The following EPHA6 variants were observed in gnomAD, a reference collection of about 807,000 sequenced individuals.
EPHA6 encodes the protein EPH receptor A6, also known as ephrin type-A receptor 6.
In EPHA6, 50 loss-of-function variants were observed where a neutral mutation model predicts 112.0. That is an observed-to-expected ratio of 0.45 (90% CI 0.36 to 0.56). The LOEUF (loss-of-function observed/expected upper bound fraction) is 0.56, where lower values mean the gene tolerates loss of function less well. Ranked by LOEUF, EPHA6 falls within the 20% of genes least tolerant of loss-of-function variation. The pLI is 0.00. For synonymous variants in EPHA6, 529 were observed against 490.7 expected (o/e 1.08, Z -1.03); for missense variants, 1,280 against 1,417.4 (o/e 0.90, Z 1.56).
At chr3:96,947,195 T>C (rs1320758306) in intron 2 of EPHA6, among the ~76,000 whole-genome samples, 2 of 152,184 alleles carry the variant, frequency 1.3e-5, no homozygotes, top group Non-Finnish European at 2.9e-5. Flanking sequence ...TTAGATCCCA[T>C]TTGTCAGTTT....
At chr3:97,662,042 A>G (rs2094173172) in intron 14 of EPHA6, among the ~76,000 whole-genome samples, 1 of 152,152 alleles carries the variant, frequency 6.6e-6, no homozygotes, top group African/African-American at 2.4e-5. Flanking sequence ...CAACTATCTG[A>G]TAGGGCTTCC....
chr3:96,903,658 T>C (rs2038747292), intron 2 of EPHA6, among the ~76,000 whole-genome samples: 1 of 152,030 alleles, frequency 6.6e-6, no homozygotes, highest in Non-Finnish European at 1.5e-5. Flanking sequence ...GAAATAGTTT[T>C]GCAATCTAGG....
Position 97,068,315 on chromosome 3 carries a change from G to A in EPHA6, c.1114+80322G>A, listed in dbSNP as rs551244323. Among the ~76,000 whole-genome samples the A allele has an allele frequency of 3.3e-5, 5 of 152,096 alleles. No homozygotes were observed. The South Asian group carries it at 8.3e-4, about 25-fold the overall frequency. On this transcript the variant is annotated intron_variant, in intron 3 of 17. Transcript: ENST00000389672. ...GTGGAAAATTCTAAAAGTAAACGAC[G>A]GAACAAGGATCAGGGAGGGTTGGGA...
intron 10 of EPHA6, among the ~76,000 whole-genome samples, chr3:97,501,320 A>G (rs888288343): frequency 5.3e-5 from 8 of 151,428 alleles, no homozygotes; most frequent in African/African-American, 1.5e-4. Flanking sequence ...TAAAAATTCT[A>G]TCTTATGAAT....
At chr3:97,729,184 A>G (rs932690752) in intron 15 of EPHA6, among the ~76,000 whole-genome samples, 2 of 152,050 alleles carry the variant, frequency 1.3e-5, no homozygotes, top group Non-Finnish European at 2.9e-5. Flanking sequence ...CCTTTTTTCT[A>G]TAATTCTTTT....
At chr3:97,341,638 G>A (rs1342130179) in intron 5 of EPHA6, among the ~76,000 whole-genome samples, 1 of 151,940 alleles carries the variant, frequency 6.6e-6, no homozygotes, top group African/African-American at 2.4e-5. Flanking sequence ...CTCCTTCACT[G>A]CCAATTTTAA....
At chr3:97,068,769 G>T (rs2046260610) in intron 3 of EPHA6, among the ~76,000 whole-genome samples, 1 of 151,996 alleles carries the variant, frequency 6.6e-6, no homozygotes. Context: ...CAGAACTAGT[G>T]TCCTTATAAA....
intron 3 of EPHA6, among the ~76,000 whole-genome samples, chr3:97,201,155 C>A (rs1203970505): frequency 6.6e-6 from 1 of 152,092 alleles, no homozygotes; most frequent in Non-Finnish European, 1.5e-5. Context: ...CTATGTCCAG[C>A]ATATCAAAAT....
In EPHA6 at chr3:97,381,363, T is replaced by C. The variant is rs1430981423; in HGVS notation, c.1607-23787T>C. 2.6e-5 allele frequency among the ~76,000 whole-genome samples: 4 copies of C among 152,226 alleles called. No individual in the cohort carries two copies. In the East Asian group the frequency reaches 7.7e-4, roughly 29 times the overall value. ...TTCACTGAAGTCACTAAATTGCCTT[T>C]AAAAACCCTGTGACATAGACACTAT... On this transcript the variant is annotated intron_variant, in intron 5 of 17. Transcript: ENST00000389672.
At chr3:97,511,509 A>T (rs2092364490) in intron 10 of EPHA6, among the ~76,000 whole-genome samples, 1 of 151,920 alleles carries the variant, frequency 6.6e-6, no homozygotes, top group Non-Finnish European at 1.5e-5. Flanking sequence ...CATGGGCTGT[A>T]CCCACTGTCT....
chr3:97,059,487 A>G (rs1055105673), intron 3 of EPHA6, among the ~76,000 whole-genome samples: 3 of 152,074 alleles, frequency 2.0e-5, no homozygotes, highest in Non-Finnish European at 4.4e-5. Flanking sequence ...TAGAATGAAT[A>G]AATTATTTCA....
chr3:97,534,954 TA>T (rs1026278421), intron 11 of EPHA6, among the ~76,000 whole-genome samples: 1 of 152,050 alleles, frequency 6.6e-6, no homozygotes, highest in African/African-American at 2.4e-5. Context: ...TTAAAAGGTT[TA>T]AAAAGCGTCA....
At chr3:97,242,916 C>T (rs2078889032) in intron 4 of EPHA6, among the ~76,000 whole-genome samples, 1 of 151,754 alleles carries the variant, frequency 6.6e-6, no homozygotes, top group African/African-American at 2.4e-5. Context: ...TAGCCTCTCA[C>T]AGCATACGGA....
chr3:97,421,124 G>T (rs553083664), intron 6 of EPHA6, among the ~76,000 whole-genome samples: 13 of 151,812 alleles, frequency 8.6e-5, no homozygotes, highest in African/African-American at 3.1e-4. Context: ...CCCAAAACAA[G>T]AACTACATAA....
intron 11 of EPHA6, among the ~76,000 whole-genome samples, chr3:97,545,920 A>G (rs1403251025): frequency 6.6e-6 from 1 of 152,102 alleles, no homozygotes; most frequent in African/African-American, 2.4e-5. Context: ...TTTGCTTGGT[A>G]GATCTTCCTC....
chr3:97,666,505 A>G (rs991635066), intron 14 of EPHA6, among the ~76,000 whole-genome samples: 3 of 152,080 alleles, frequency 2.0e-5, no homozygotes, highest in Non-Finnish European at 4.4e-5. Flanking sequence ...GCAATCCTTG[A>G]TGTTCCTTGG....
intron 13 of EPHA6, among the ~76,000 whole-genome samples, chr3:97,629,518 G>A (rs933692370): frequency 1.1e-4 from 16 of 151,840 alleles, no homozygotes; most frequent in Non-Finnish European, 1.5e-5. Flanking sequence ...TGTATTAACT[G>A]ATACCATGAA....
intron 5 of EPHA6, among the ~76,000 whole-genome samples, chr3:97,376,320 AT>A (rs1398101347): frequency 2.0e-5 from 3 of 152,168 alleles, no homozygotes; most frequent in African/African-American, 7.2e-5. Flanking sequence ...TAAAAGGTAA[AT>A]TGACCTATAT....
chr3:97,050,562 A>G (rs755720247), intron 3 of EPHA6, among the ~76,000 whole-genome samples: 19 of 152,162 alleles, frequency 1.2e-4, no homozygotes, highest in Admixed American at 2.6e-4. Context: ...TGATAAACTA[A>G]AATGGAGGGC....
Sources: allele counts gnomAD v4.1 joint callset (sites outside exome capture counted in the v4.1 genomes callset), GRCh38; gene constraint gnomAD v4.1.1; transcripts MANE v1.5; gene names NCBI Gene and HGNC (gene_info 2026-07-23, HGNC 2026-07-21).